The following RASSF3 variants were observed in gnomAD, a reference collection of about 807,000 sequenced individuals.
RASSF3 encodes Ras association domain family member 3.
Under a neutral mutation model 19.9 loss-of-function variants are expected in RASSF3, and 19 were observed. That is an observed-to-expected ratio of 0.96 (90% CI 0.67 to 1.40). The LOEUF is 1.40. Among genes scored for constraint, RASSF3 ranks in the 40% most tolerant of loss-of-function variants. The pLI, the probability that RASSF3 is intolerant of heterozygous loss-of-function variation, is 0.00. For synonymous variants in RASSF3, 110 were observed against 104.2 expected (o/e 1.06, Z -0.34); for missense variants, 306 against 289.8 (o/e 1.06, Z -0.41).
At chr12:64,649,042 C>G (rs1278321859) in intron 1 of RASSF3, among the ~76,000 whole-genome samples, 1 of 151,762 alleles carries the variant, frequency 6.6e-6, no homozygotes, top group Non-Finnish European at 1.5e-5. Context: ...CTCATGGCCT[C>G]AAGCGATCCT....
At chr12:64,669,890 CAAAA>C (rs35671310) in intron 1 of RASSF3, among the ~76,000 whole-genome samples, 84 of 106,652 alleles carry the variant, frequency 7.9e-4, no homozygotes, top group African/African-American at 2.6e-3. Flanking sequence ...TGTAAATTAC[CAAAA>C]AAAAAAAAAA....
chr12:64,626,784 G>A (rs1378127341), intron 1 of RASSF3, among the ~76,000 whole-genome samples: 1 of 152,056 alleles, frequency 6.6e-6, no homozygotes, highest in Middle Eastern at 3.2e-3. Flanking sequence ...AGGCTGGTCT[G>A]GAACTCCTGG....
intron 1 of RASSF3, among the ~76,000 whole-genome samples, chr12:64,652,919 TATA>T (rs1872013851): frequency 6.6e-6 from 1 of 152,192 alleles, no homozygotes; most frequent in Non-Finnish European, 1.5e-5. Context: ...CTCTGGGGGC[TATA>T]AGTTCTGGAT....
chr12:64,516,838 TA>T (rs1337656152), intron 1 of RASSF3, among the ~76,000 whole-genome samples: 5 of 150,738 alleles, frequency 3.3e-5, no homozygotes, highest in African/African-American at 9.7e-5. Flanking sequence ...CATCTCTACT[TA>T]AAAGACAAAA....
At chr12:64,554,955 T>A (rs901772144) in intron 2 of RASSF3, among the ~76,000 whole-genome samples, 2 of 152,058 alleles carry the variant, frequency 1.3e-5, no homozygotes, top group Non-Finnish European at 1.5e-5. Context: ...TGAAAAAAAA[T>A]TTTTTAGGCC....
chr12:64,686,320 C>G (rs1172311777), intron 2 of RASSF3, among the ~76,000 whole-genome samples: 1 of 151,944 alleles, frequency 6.6e-6, no homozygotes, highest in Non-Finnish European at 1.5e-5. Flanking sequence ...GCGGGTGGAT[C>G]ACTTGAAGTC....
Position 64,673,744 on chromosome 12 carries a change from T to A in RASSF3, c.112-11043T>A, listed in dbSNP as rs539581412. Among the ~76,000 whole-genome samples, 3 of 152,226 alleles carry A rather than the reference T, an allele frequency of 2.0e-5. No homozygotes were observed. The South Asian group carries it at 6.2e-4, about 32-fold the overall frequency. On this transcript the variant is annotated intron_variant, in intron 1 of 4. Coordinates refer to ENST00000542104, the MANE Select transcript of RASSF3 (RefSeq NM_178169.4). ...AGAATTTGAGGAAAATTAAACCAGTTGTGAAATATATCACGTTTCAGAAAT... is the reference window on the plus strand; with the variant it reads ...AGAATTTGAGGAAAATTAAACCAGTAGTGAAATATATCACGTTTCAGAAAT...
intron 1 of RASSF3, among the ~76,000 whole-genome samples, chr12:64,681,653 A>G (rs1314762200): frequency 6.6e-6 from 1 of 152,252 alleles, no homozygotes; most frequent in African/African-American, 2.4e-5. Context: ...TTCTTCAGCT[A>G]TGACTGGTAC....
At chr12:64,626,010 C>G (rs551214117) in intron 1 of RASSF3, among the ~76,000 whole-genome samples, 1 of 152,128 alleles carries the variant, frequency 6.6e-6, no homozygotes, top group African/African-American at 2.4e-5. Flanking sequence ...TCTCCACCCC[C>G]AACCTCCCCC....
intron 2 of RASSF3, among the ~76,000 whole-genome samples, chr12:64,592,570 A>G (rs1869941995): frequency 6.6e-6 from 1 of 152,140 alleles, no homozygotes; most frequent in African/African-American, 2.4e-5. Context: ...ATTCCAAACA[A>G]CCGTATGTGA....
At chr12:64,646,597 G>A (rs1214079476) in intron 1 of RASSF3, among the ~76,000 whole-genome samples, 1 of 152,168 alleles carries the variant, frequency 6.6e-6, no homozygotes, top group Non-Finnish European at 1.5e-5. Context: ...CCCATCTACT[G>A]TAAGTTAACA....
intron 2 of RASSF3, among the ~76,000 whole-genome samples, chr12:64,602,147 C>T (rs1870104038): frequency 6.6e-6 from 1 of 151,202 alleles, no homozygotes; most frequent in Admixed American, 6.6e-5. Context: ...AGAAATATTC[C>T]ATGCATAGGC....
chr12:64,675,871 C>T (rs1350938399), intron 1 of RASSF3, among the ~76,000 whole-genome samples: 1 of 151,888 alleles, frequency 6.6e-6, no homozygotes. Context: ...ACTCCTGAAT[C>T]CTCACATAAA....
chr12:64,636,205 T>C (rs1026377191), intron 1 of RASSF3, among the ~76,000 whole-genome samples: 1 of 151,846 alleles, frequency 6.6e-6, no homozygotes, highest in African/African-American at 2.4e-5. Flanking sequence ...CAACCCCCGC[T>C]TGCCAGGTTC....
intron 1 of RASSF3, among the ~76,000 whole-genome samples, chr12:64,652,106 A>C (rs1327863930): frequency 6.6e-6 from 1 of 152,210 alleles, no homozygotes; most frequent in Non-Finnish European, 1.5e-5. Context: ...AGATTACCAT[A>C]TTTTGCAATA....
intron 3 of RASSF3, among the ~76,000 whole-genome samples, chr12:64,690,580 A>T (rs554443453): frequency 6.6e-6 from 1 of 152,128 alleles, no homozygotes; most frequent in Admixed American, 6.5e-5. Flanking sequence ...GGCTCAAGTG[A>T]TGCTCTTGCC....
intron 4 of RASSF3, among the ~76,000 whole-genome samples, chr12:64,692,383 C>A (rs1046019257): frequency 1.3e-5 from 2 of 152,114 alleles, no homozygotes; most frequent in African/African-American, 4.8e-5. Context: ...ATCTTTTAGC[C>A]CTCAGTTTTA....
intron 1 of RASSF3, chr12:64,654,033 G>T (rs552861650): frequency 6.6e-6 from 1 of 152,372 alleles, no homozygotes. Context: ...TGTTGCTTCA[G>T]TGTCAGTTTG....
chr12:64,659,265 G>A (rs942852805), intron 1 of RASSF3, among the ~76,000 whole-genome samples: 1 of 152,084 alleles, frequency 6.6e-6, no homozygotes, highest in Non-Finnish European at 1.5e-5. Flanking sequence ...TGAAGTGTGG[G>A]GATAAGGATG....
Sources: allele counts gnomAD v4.1 joint callset (sites outside exome capture counted in the v4.1 genomes callset), GRCh38; gene constraint gnomAD v4.1.1; transcripts MANE v1.5; gene names NCBI Gene and HGNC (gene_info 2026-07-23, HGNC 2026-07-21).